Variants in PDZRN3 observed in about 807,000 individuals in gnomAD.
The protein encoded by PDZRN3 is PDZ domain containing ring finger 3, also known as E3 ubiquitin-protein ligase PDZRN3.
Under a neutral mutation model 85.7 loss-of-function variants are expected in PDZRN3, and 38 were observed. That is an observed-to-expected ratio of 0.44 (90% CI 0.34 to 0.58). PDZRN3 has a LOEUF of 0.58. Ranked by LOEUF, PDZRN3 falls within the 20% of genes least tolerant of loss-of-function variation. The probability of loss-of-function intolerance (pLI) is 0.01; values close to 1 mark genes in which losing one functional copy is unlikely to be tolerated. For synonymous variants in PDZRN3, 759 were observed against 638.0 expected (o/e 1.19, Z -2.86); for missense variants, 1,629 against 1,506.4 (o/e 1.08, Z -1.35).
intron 3 of PDZRN3, among the ~76,000 whole-genome samples, chr3:73,468,444 CTT>C (rs112221676): frequency 6.8e-6 from 1 of 146,258 alleles, no homozygotes; most frequent in Non-Finnish European, 1.5e-5. Flanking sequence ...GTCGCTTACT[CTT>C]TTTTTTTTTC....
rs879453711 is a variant in PDZRN3, at chr3:73,544,687, GT to G, written c.918+57666del. Among the ~76,000 whole-genome samples the G allele has an allele frequency of 1.6e-3, 233 of 143,792 alleles. 2 individuals carry two copies. Among genetic ancestry groups the G allele is most frequent in the East Asian group, 3.4e-3 (17 of 4,972 alleles). The allele number at this position is 143,792 out of a possible 152,430, so 94.3% of individuals were successfully genotyped here. ...ACTACCCTGAATTTCCACTATCTGG[GT>G]TTTTTTTTTTTTAAATTACTGAAAA... On this transcript the variant is annotated intron_variant, in intron 3 of 9. Transcript: ENST00000263666.
At position 73,612,210 on chromosome 3, in the gene PDZRN3, T is replaced by C. The variant is rs550876833; in HGVS notation, c.724-3526A>G. On this transcript the variant is annotated intron_variant, in intron 1 of 9. Coordinates refer to ENST00000263666, the MANE Select transcript of PDZRN3 (RefSeq NM_015009.3). Reference sequence around the variant, plus strand: ...CGAAGCAGACATTGTATCAATGCTCTAAACCTGGACAAACTGAGGCTCAGG... The same window carrying C: ...CGAAGCAGACATTGTATCAATGCTCCAAACCTGGACAAACTGAGGCTCAGG... Among the ~76,000 whole-genome samples, 11 of 152,322 alleles carry C rather than the reference T, an allele frequency of 7.2e-5. No individual in the cohort carries two copies. In the South Asian group the frequency reaches 8.3e-4, roughly 11 times the overall value.
intron 3 of PDZRN3, among the ~76,000 whole-genome samples, chr3:73,422,578 C>T (rs1702226225): frequency 6.6e-6 from 1 of 152,168 alleles, no homozygotes; most frequent in South Asian, 2.1e-4. Flanking sequence ...GAACTGTGTC[C>T]TCCCTCCCCT....
chr3:73,513,056 G>C (rs1307751613), intron 3 of PDZRN3, among the ~76,000 whole-genome samples: 3 of 152,172 alleles, frequency 2.0e-5, no homozygotes, highest in Admixed American at 2.0e-4. Context: ...CAGGTGCTGA[G>C]ATAGGGTGTT....
At chr3:73,422,946 A>G (rs1390988829) in intron 3 of PDZRN3, among the ~76,000 whole-genome samples, 1 of 152,258 alleles carries the variant, frequency 6.6e-6, no homozygotes, top group African/African-American at 2.4e-5. Flanking sequence ...AAACAGAGGT[A>G]TCTCTTATTA....
At chr3:73,591,652 G>A (rs569028830) in intron 3 of PDZRN3, among the ~76,000 whole-genome samples, 3 of 152,004 alleles carry the variant, frequency 2.0e-5, no homozygotes, top group African/African-American at 4.8e-5. Context: ...CATTTATTCC[G>A]GGGCCAAAAT....
At chr3:73,487,544 G>A (rs765455253) in intron 3 of PDZRN3, among the ~76,000 whole-genome samples, 6 of 152,184 alleles carry the variant, frequency 3.9e-5, no homozygotes, top group Non-Finnish European at 8.8e-5. Flanking sequence ...CCCAGCTAAT[G>A]ACTGCTGGGA....
At chr3:73,442,182 C>T (rs1450309837) in intron 3 of PDZRN3, among the ~76,000 whole-genome samples, 2 of 152,180 alleles carry the variant, frequency 1.3e-5, no homozygotes, top group South Asian at 2.1e-4. Flanking sequence ...GGGGTTCCAC[C>T]TGACAGCAGG....
rs111468627 is a variant in PDZRN3 at position 73,442,093 on chromosome 3, T to G, written c.919-37698A>C. 9.7e-3 allele frequency among the ~76,000 whole-genome samples: 1,472 copies of G among 152,276 alleles called. 11 individuals are homozygous for G. Among genetic ancestry groups the G allele is most frequent in the Non-Finnish European group, 0.015 (1,052 of 68,008 alleles). ...GGGGCAGTGGTGGGCATTGTGGCTC[T>G]GTGATCTGGGCCAGGCTCCCAGCCA... On this transcript the variant is annotated intron_variant, in intron 3 of 9. Coordinates refer to ENST00000263666, the MANE Select transcript of PDZRN3 (RefSeq NM_015009.3).
intron 1 of PDZRN3, among the ~76,000 whole-genome samples, chr3:73,617,709 ATT>A (rs68016618): frequency 2.0e-5 from 3 of 147,966 alleles, no homozygotes; most frequent in African/African-American, 7.4e-5. Context: ...GTCTAAATCT[ATT>A]TTTTTTTTTA....
At chr3:73,581,608 C>T (rs780470606) in intron 3 of PDZRN3, among the ~76,000 whole-genome samples, 4 of 152,046 alleles carry the variant, frequency 2.6e-5, no homozygotes, top group Non-Finnish European at 4.4e-5. Context: ...CAAAAAAATG[C>T]AGAACTATTT....
intron 3 of PDZRN3, among the ~76,000 whole-genome samples, chr3:73,551,823 G>C (rs1262148550): frequency 6.6e-6 from 1 of 151,992 alleles, no homozygotes; most frequent in African/African-American, 2.4e-5. Flanking sequence ...TGAAGCAGTA[G>C]ACTAAGCCTA....
chr3:73,594,472 T>C lies in PDZRN3; in HGVS notation c.918+7882A>G, dbSNP rs182423417. On this transcript the variant is annotated intron_variant, in intron 3 of 9. Transcript: ENST00000263666. ...CCTTTGTACTTAATTGCAAAAATCC[T>C]TTACCTACATTGTTTCCTTGGTCCA... 1.9e-4 allele frequency among the ~76,000 whole-genome samples: 29 copies of C among 152,246 alleles called. No homozygotes were observed. The East Asian group carries it at 4.2e-3, about 22-fold the overall frequency.
At chr3:73,583,568 C>G (rs564663306) in intron 3 of PDZRN3, among the ~76,000 whole-genome samples, 14 of 152,280 alleles carry the variant, frequency 9.2e-5, no homozygotes, top group African/African-American at 3.1e-4. Context: ...TGGTCACACT[C>G]TGCCAAGGAA....
At chr3:73,418,753 C>T (rs990118482) in intron 3 of PDZRN3, among the ~76,000 whole-genome samples, 1 of 152,150 alleles carries the variant, frequency 6.6e-6, no homozygotes, top group Non-Finnish European at 1.5e-5. Flanking sequence ...AGTGTTGCCT[C>T]AGGACAATGG....
intron 3 of PDZRN3, among the ~76,000 whole-genome samples, chr3:73,488,455 C>T (rs1285221854): frequency 6.6e-6 from 1 of 152,180 alleles, no homozygotes; most frequent in Non-Finnish European, 1.5e-5. Context: ...GGTCTCTGCA[C>T]AGGCTGTCCC....
chr3:73,613,250 G>A (rs189194602), intron 1 of PDZRN3, among the ~76,000 whole-genome samples: 237 of 152,248 alleles, frequency 1.6e-3, no homozygotes, highest in African/African-American at 5.6e-3. Flanking sequence ...GAGCAGCTCC[G>A]CTTGGACTTT....
intron 3 of PDZRN3, among the ~76,000 whole-genome samples, chr3:73,528,976 T>C (rs893942857): frequency 1.3e-5 from 2 of 151,398 alleles, no homozygotes; most frequent in African/African-American, 4.9e-5. Context: ...CAAAGGTTAG[T>C]GGGGATAAAA....
intron 1 of PDZRN3, chr3:73,623,628 T>A (rs1043263557): frequency 2.6e-5 from 4 of 151,742 alleles, no homozygotes; most frequent in Admixed American, 6.6e-5. Flanking sequence ...GTTCCCTTTA[T>A]TTTTTTTTCT....
Sources: allele counts gnomAD v4.1 joint callset (sites outside exome capture counted in the v4.1 genomes callset), GRCh38; gene constraint gnomAD v4.1.1; transcripts MANE v1.5; gene names NCBI Gene and HGNC (gene_info 2026-07-23, HGNC 2026-07-21).